The following PCA3 variants were observed in gnomAD, a reference collection of about 807,000 sequenced individuals.
PCA3 encodes Differential Display code 3.
At chr9:76,766,581 T>G (rs565752978) in intron 2 of PCA3, among the ~76,000 whole-genome samples, 2 of 152,340 alleles carry the variant, frequency 1.3e-5, no homozygotes, top group South Asian at 4.1e-4. Context: ...CCACTTTTTC[T>G]GGGAATCTTG....
At chr9:76,783,656 T>C (rs2054662329) in intron 2 of PCA3, 1 of 152,206 alleles carries the variant, frequency 6.6e-6, no homozygotes, top group Non-Finnish European at 1.5e-5. Context: ...GTTCAGGGTA[T>C]GCTGACACCT....
At chr9:76,787,069 A>G (rs1025615902) in intron 2 of PCA3, 2 of 152,202 alleles carry the variant, frequency 1.3e-5, no homozygotes, top group South Asian at 4.1e-4. Flanking sequence ...AGAATTTGCT[A>G]CATTTGAGAA....
At chr9:76,765,686 A>G (rs962811884) in intron 2 of PCA3, among the ~76,000 whole-genome samples, 7 of 152,212 alleles carry the variant, frequency 4.6e-5, no homozygotes, top group African/African-American at 1.7e-4. Context: ...TAGAAGGCAC[A>G]GCCTTATCTA....
chr9:76,785,272 C>T (rs1291427981), intron 2 of PCA3: 2 of 152,182 alleles, frequency 1.3e-5, no homozygotes, highest in African/African-American at 4.8e-5. Context: ...GACTATCTTA[C>T]TTCATGCAAA....
At chr9:76,781,899 G>A (rs1247242292) in intron 2 of PCA3, among the ~76,000 whole-genome samples, 1 of 152,182 alleles carries the variant, frequency 6.6e-6, no homozygotes, top group Non-Finnish European at 1.5e-5. Context: ...GGTAGGCAAG[G>A]TAATCAGAGA....
intron 2 of PCA3, among the ~76,000 whole-genome samples, chr9:76,768,340 G>A (rs1374584234): frequency 6.6e-6 from 1 of 152,118 alleles, no homozygotes; most frequent in Non-Finnish European, 1.5e-5. Context: ...TTACAGGCCT[G>A]CGCCACTGTG....
At chr9:76,779,413 CTCT>C (rs2054139348) in intron 2 of PCA3, among the ~76,000 whole-genome samples, 1 of 152,120 alleles carries the variant, frequency 6.6e-6, no homozygotes, top group Admixed American at 6.5e-5. Context: ...CATATCAAAG[CTCT>C]TCTTCAAGAC....
chr9:76,774,755 G>A (rs1022008275), intron 2 of PCA3, among the ~76,000 whole-genome samples: 2 of 152,002 alleles, frequency 1.3e-5, no homozygotes, highest in East Asian at 1.9e-4. Flanking sequence ...CACTAGGCCC[G>A]ACCCAATTCT....
At chr9:76,767,211 G>C (rs1440203590) in intron 2 of PCA3, among the ~76,000 whole-genome samples, 2 of 152,094 alleles carry the variant, frequency 1.3e-5, no homozygotes, top group Non-Finnish European at 2.9e-5. Context: ...CAGCACTTTG[G>C]GAGGCCGAGG....
intron 2 of PCA3, among the ~76,000 whole-genome samples, chr9:76,766,963 C>T (rs542959568): frequency 6.8e-4 from 104 of 152,212 alleles, no homozygotes; most frequent in African/African-American, 2.5e-3. Context: ...TATCATCTAC[C>T]TCTCCCACCT....
At chr9:76,780,956 A>ACATCCACCAG (rs2054322395) in intron 2 of PCA3, among the ~76,000 whole-genome samples, 1 of 151,990 alleles carries the variant, frequency 6.6e-6, no homozygotes, top group African/African-American at 2.4e-5. Context: ...ACATCCACCA[A>ACATCCACCAG]GTTTTTATGC....
intron 2 of PCA3, among the ~76,000 whole-genome samples, chr9:76,768,947 T>C (rs1180515290): frequency 1.3e-5 from 2 of 152,216 alleles, no homozygotes; most frequent in Non-Finnish European, 2.9e-5. Flanking sequence ...TGCCTTGTTT[T>C]AACAAGTCAA....
intron 2 of PCA3, among the ~76,000 whole-genome samples, chr9:76,776,820 G>GT (rs200859225): frequency 0.072 from 9,320 of 128,930 alleles, 965 homozygotes; most frequent in African/African-American, 0.21. Context: ...CCAGCCAGCA[G>GT]TTTTTTTTTT....
chr9:76,786,293 C>T (rs941724571), intron 2 of PCA3: 1 of 152,110 alleles, frequency 6.6e-6, no homozygotes, highest in African/African-American at 2.4e-5. Context: ...AATATAAGAA[C>T]TCTGAGTGAT....
At chr9:76,769,573 G>A (rs949662304) in intron 2 of PCA3, among the ~76,000 whole-genome samples, 19 of 152,240 alleles carry the variant, frequency 1.2e-4, no homozygotes, top group Admixed American at 3.3e-4. Flanking sequence ...TTACAGGCAC[G>A]TGCCACCATG....
intron 2 of PCA3, chr9:76,786,717 T>A (rs2055025458): frequency 6.6e-6 from 1 of 152,248 alleles, no homozygotes. Flanking sequence ...TTCCAATAGA[T>A]GCTGCCTATG....
chr9:76,782,714 T>C (rs2054551401), intron 2 of PCA3: 1 of 152,172 alleles, frequency 6.6e-6, no homozygotes, highest in Non-Finnish European at 1.5e-5. Context: ...CCAAGATAAA[T>C]AAGTGAAGAG....
intron 2 of PCA3, among the ~76,000 whole-genome samples, chr9:76,775,659 T>G (rs1207980378): frequency 6.6e-6 from 1 of 152,228 alleles, no homozygotes; most frequent in Admixed American, 6.5e-5. Context: ...TCTTCAGGTA[T>G]GCAAGGAATG....
At chr9:76,772,000 T>C (rs547899327) in intron 2 of PCA3, among the ~76,000 whole-genome samples, 1 of 152,188 alleles carries the variant, frequency 6.6e-6, no homozygotes, top group African/African-American at 2.4e-5. Flanking sequence ...TACAGCAAAT[T>C]TGCCTATACG....
Sources: gnomAD v4.1 joint callset for allele counts (sites outside exome capture counted in the v4.1 genomes callset) on GRCh38, gnomAD v4.1.1 for gene constraint, MANE v1.5 for transcripts, NCBI Gene and HGNC (gene_info 2026-07-23, HGNC 2026-07-21) for gene names.